The following PIK3C2B variants were observed in gnomAD, a reference collection of about 807,000 sequenced individuals.
The protein encoded by PIK3C2B is phosphatidylinositol 4-phosphate 3-kinase C2 domain-containing subunit beta.
A neutral mutation model predicts 184.3 loss-of-function variants in PIK3C2B; 83 were observed. That is an observed-to-expected ratio of 0.45 (90% CI 0.38 to 0.54). PIK3C2B has a LOEUF of 0.54. Ranked by LOEUF, PIK3C2B falls within the 20% of genes least tolerant of loss-of-function variation. PIK3C2B has a pLI of 0.00. For missense variants in PIK3C2B, 1,736 were observed against 2,113.5 expected (o/e 0.82, Z 3.50); for synonymous variants, 779 against 837.6 (o/e 0.93, Z 1.21).
chr1:204,483,945 G>T (rs920629331), intron 1 of PIK3C2B, among the ~76,000 whole-genome samples: 1 of 152,154 alleles, frequency 6.6e-6, no homozygotes, highest in African/African-American at 2.4e-5. Flanking sequence ...GAGCGACCAG[G>T]GTGTGACCGT....
At chr1:204,432,738 G>A (rs1165759789) in intron 26 of PIK3C2B, among the ~76,000 whole-genome samples, 4 of 152,148 alleles carry the variant, frequency 2.6e-5, no homozygotes, top group Admixed American at 2.6e-4. Context: ...ACCTCACCAA[G>A]CACTGTTCAA....
Position 204,424,776 on chromosome 1 carries a change from G to A in PIK3C2B, c.*76C>T, listed in dbSNP as rs1354601014. On this transcript the variant is annotated 3_prime_UTR_variant, in exon 33 of 33. Transcript: ENST00000684373. ...CCAGGGCCCTGGCCCTTCACAAGGAGGAGTCTCACAGGGGAGAGTCCTCTC... is the reference window on the plus strand; with the variant it reads ...CCAGGGCCCTGGCCCTTCACAAGGAAGAGTCTCACAGGGGAGAGTCCTCTC... The A allele has an allele frequency of 2.1e-6, 3 of 1,451,912 alleles. No individual in the cohort carries two copies. Among genetic ancestry groups the A allele is most frequent in the Non-Finnish European group, 2.9e-6 (3 of 1,033,160 alleles). The allele number at this position is 1,451,912 out of a possible 1,614,324, so 89.9% of individuals were successfully genotyped here. A position where few individuals can be genotyped will look rare whatever the true frequency, so the allele number is the denominator to read the frequency against.
rs1379622858 is a variant in PIK3C2B at position 204,440,043 on chromosome 1, T to C, written c.3379+149A>G. On this transcript the variant is annotated intron_variant, in intron 22 of 32. Transcript: ENST00000684373. The stretch of plus-strand genomic sequence containing the variant: ...CTTTATAACAGTCTTCTCCCATGCC[T>C]CCCTTTTAAGGCTATCCCACAGCTT... 9 of 756,118 alleles carry C rather than the reference T, an allele frequency of 1.2e-5. No individual in the cohort carries two copies. The South Asian group carries it at 1.8e-4, about 15-fold the overall frequency. The allele number at this position is 756,118 out of a possible 1,614,324, so 46.8% of individuals were successfully genotyped here. A position where few individuals can be genotyped will look rare whatever the true frequency, so the allele number is the denominator to read the frequency against.
At chr1:204,445,184 A>T (rs1196006262) in intron 16 of PIK3C2B, among the ~76,000 whole-genome samples, 1 of 149,986 alleles carries the variant, frequency 6.7e-6, no homozygotes, top group African/African-American at 2.4e-5. Context: ...GTATTTGCTT[A>T]TGTATAAATG....
chr1:204,458,713 C>T lies in PIK3C2B; in HGVS notation c.1567-839G>A, dbSNP rs546408675. On this transcript the variant is annotated intron_variant, in intron 8 of 32. Transcript: ENST00000684373. The stretch of plus-strand genomic sequence containing the variant: ...TTCACCATGTTGGCCAGGCTGGTCT[C>T]GAACTCCTGACCTCAGGTGACCCGC... 1.7e-4 allele frequency among the ~76,000 whole-genome samples: 26 copies of T among 152,032 alleles called. No homozygotes were observed. The South Asian group carries it at 3.7e-3, about 22-fold the overall frequency.
At chr1:204,434,734 C>T in intron 23 of PIK3C2B, 126 bp from the exon 24 acceptor site, 2 of 642,850 alleles carry the variant, frequency 3.1e-6, no homozygotes, top group Non-Finnish European at 5.4e-6. Flanking sequence ...CCAATAGTGT[C>T]TCACATCTGC....
chr1:204,448,494 C>T (rs538693452), intron 14 of PIK3C2B, among the ~76,000 whole-genome samples: 6 of 152,022 alleles, frequency 3.9e-5, no homozygotes, highest in East Asian at 1.9e-4. Flanking sequence ...AAAAATTAGC[C>T]GGGCGTGGTG....
chr1:204,428,096 GT>G (rs754413708), intron 30 of PIK3C2B, 42 bp downstream of exon 30: 3 of 1,167,090 alleles, frequency 2.6e-6, no homozygotes, highest in Non-Finnish European at 3.9e-6. Context: ...CCTTGGGGTA[GT>G]TCAGAGGAGT....
At chr1:204,453,494 A>G (rs868605643) in intron 12 of PIK3C2B, among the ~76,000 whole-genome samples, 1 of 152,186 alleles carries the variant, frequency 6.6e-6, no homozygotes, top group Non-Finnish European at 1.5e-5. Flanking sequence ...CAATGTCCCC[A>G]TTTCTCAGTT....
chr1:204,451,536 A>T lies in PIK3C2B; in HGVS notation c.2067-1519T>A, dbSNP rs185794004. ...TTCCTGCAGCCCATTCAACAACCTCATATCACACAGGCTGCCTCCTCCAGG... is the reference window on the plus strand; with the variant it reads ...TTCCTGCAGCCCATTCAACAACCTCTTATCACACAGGCTGCCTCCTCCAGG... On this transcript the variant is annotated intron_variant, in intron 12 of 32. Coordinates refer to ENST00000684373, the MANE Select transcript of PIK3C2B (RefSeq NM_001377334.1). 2.8e-3 allele frequency among the ~76,000 whole-genome samples: 420 copies of T among 152,224 alleles called. 1 individual carries two copies. Among genetic ancestry groups the T allele is most frequent in the Non-Finnish European group, 3.7e-3 (255 of 68,020 alleles).
Position 204,424,622 on chromosome 1 carries a change from C to T in PIK3C2B, c.*230G>A, listed in dbSNP as rs1674648808. 1 of 722,822 alleles carries T rather than the reference C, an allele frequency of 1.4e-6. No homozygotes were observed. The highest frequency in any genetic ancestry group is 1.7e-5 in the Admixed American group (1 of 57,564). 44.8% of individuals were successfully genotyped at this position (722,822 alleles called of 1,614,324 possible). A position where few individuals can be genotyped will look rare whatever the true frequency, so the allele number is the denominator to read the frequency against. Reference sequence around the variant, plus strand: ...TTAAAACTTTGCTGCAACCTCACAGCCTCCAAGGGGCTGCTCATCACAACC... The same window carrying T: ...TTAAAACTTTGCTGCAACCTCACAGTCTCCAAGGGGCTGCTCATCACAACC... On this transcript the variant is annotated 3_prime_UTR_variant, in exon 33 of 33. Coordinates refer to ENST00000684373, the MANE Select transcript of PIK3C2B (RefSeq NM_001377334.1).
intron 23 of PIK3C2B, among the ~76,000 whole-genome samples, chr1:204,438,115 G>C (rs1352472484): frequency 6.6e-6 from 1 of 152,194 alleles, no homozygotes; most frequent in Admixed American, 6.5e-5. Flanking sequence ...TGCCCATGCT[G>C]GTTTTCCCTC....
chr1:204,448,271 C>G (rs1471058337), intron 14 of PIK3C2B, among the ~76,000 whole-genome samples: 1 of 151,986 alleles, frequency 6.6e-6, no homozygotes, highest in Non-Finnish European at 1.5e-5. Context: ...CCCGCCACCA[C>G]ACCCAGCTAA....
At position 204,424,826 on chromosome 1, in the gene PIK3C2B, G is replaced by A. The variant is rs1216240719; in HGVS notation, c.*26C>T. On this transcript the variant is annotated 3_prime_UTR_variant, in exon 33 of 33. Coordinates refer to ENST00000684373, the MANE Select transcript of PIK3C2B (RefSeq NM_001377334.1). The stretch of plus-strand genomic sequence containing the variant: ...CCCCCAGCTCCTGCCACCAGCCTGG[G>A]ATGCTGGGTGGTGGCTCTGCTGGGC... The A allele has an allele frequency of 1.9e-6, 3 of 1,609,642 alleles. No individual in the cohort carries two copies. The highest frequency in any genetic ancestry group is 2.7e-5 in the African/African-American group (2 of 74,974).
rs926621921 is a variant in PIK3C2B, at chr1:204,469,494, G to A, written c.309C>T (p.Pro103=). 6.2e-7 allele frequency: 1 copy of A among 1,607,586 alleles called. No individual in the cohort carries two copies. The highest frequency in any genetic ancestry group is 8.5e-7 in the Non-Finnish European group (1 of 1,176,696). Residue 103 remains proline (P), a synonymous_variant, in exon 2 of 33, where the codon CCC becomes CCT. Coordinates refer to ENST00000684373, the MANE Select transcript of PIK3C2B (RefSeq NM_001377334.1). ...GTGGCCCTTGGGAGGTAGAGTGGTT[G>A]GGCGGCCCTTCCTGTGGGGAGAGTG... ...YNSLSPQEGP[P]NHSTSQGPQP... is the part of the protein sequence containing the mutation.
In PIK3C2B at chr1:204,424,490, A is replaced by G. The variant is rs768266209; in HGVS notation, c.*362T>C. The G allele has an allele frequency of 2.7e-6, 1 of 376,344 alleles. No homozygotes were observed. Among genetic ancestry groups the G allele is most frequent in the Non-Finnish European group, 5.2e-6 (1 of 193,106 alleles). 23.3% of individuals were successfully genotyped at this position (376,344 alleles called of 1,614,324 possible). A position where few individuals can be genotyped will look rare whatever the true frequency, so the allele number is the denominator to read the frequency against. Reference sequence around the variant, plus strand: ...GACAACATCACTATTTCATTTTTTAAAAATAAAAATTAAGATATCCACCCA... The same window carrying G: ...GACAACATCACTATTTCATTTTTTAGAAATAAAAATTAAGATATCCACCCA... On this transcript the variant is annotated 3_prime_UTR_variant, in exon 33 of 33. Coordinates refer to ENST00000684373, the MANE Select transcript of PIK3C2B (RefSeq NM_001377334.1).
At chr1:204,474,587 T>C (rs1656571339) in intron 1 of PIK3C2B, among the ~76,000 whole-genome samples, 1 of 152,138 alleles carries the variant, frequency 6.6e-6, no homozygotes, top group Non-Finnish European at 1.5e-5. Flanking sequence ...TTTCTTGTTC[T>C]CCATCTCCTC....
chr1:204,459,578 G>C (rs1343765395), intron 8 of PIK3C2B, among the ~76,000 whole-genome samples: 3 of 152,166 alleles, frequency 2.0e-5, no homozygotes, highest in Non-Finnish European at 1.5e-5. Flanking sequence ...AGCAGCTGGG[G>C]GGTGACAGCT....
intron 15 of PIK3C2B, among the ~76,000 whole-genome samples, 171 bp from the exon 16 acceptor site, chr1:204,446,315 C>T (rs764595097): frequency 6.6e-6 from 1 of 152,136 alleles, no homozygotes; most frequent in African/African-American, 2.4e-5. Flanking sequence ...CTGAGTGAAC[C>T]CCCTCGCCAT....
Sources: gnomAD v4.1 joint callset for allele counts (sites outside exome capture counted in the v4.1 genomes callset) on GRCh38, gnomAD v4.1.1 for gene constraint, MANE v1.5 for transcripts, NCBI Gene and HGNC (gene_info 2026-07-23, HGNC 2026-07-21) for gene names.